Variants in COLEC12 observed in about 807,000 individuals in gnomAD.
COLEC12 encodes the protein collectin subfamily member 12, also known as collectin-12.
In COLEC12, 33 loss-of-function variants were observed where a neutral mutation model predicts 71.1. The observed-to-expected ratio is 0.46, with a 90% CI of 0.35 to 0.62. COLEC12 has a LOEUF of 0.62. Ranked by LOEUF, COLEC12 falls within the 20% of genes least tolerant of loss-of-function variation. The pLI, the probability that COLEC12 is intolerant of heterozygous loss-of-function variation, is 0.00. For synonymous variants in COLEC12, 350 were observed against 353.0 expected (o/e 0.99, Z 0.10); for missense variants, 765 against 916.1 (o/e 0.84, Z 2.13).
intron 1 of COLEC12, among the ~76,000 whole-genome samples, chr18:494,022 T>C (rs1598382801): frequency 6.6e-6 from 1 of 152,168 alleles, no homozygotes; most frequent in African/African-American, 2.4e-5. Context: ...AATCTAAATA[T>C]ACTTACACAT....
At chr18:475,997 T>A (rs1030380159) in intron 2 of COLEC12, among the ~76,000 whole-genome samples, 3 of 152,204 alleles carry the variant, frequency 2.0e-5, no homozygotes, top group Non-Finnish European at 2.9e-5. Flanking sequence ...TCTGCAACTA[T>A]TTTTTGAGGA....
intron 2 of COLEC12, among the ~76,000 whole-genome samples, chr18:407,102 C>T (rs1915806525): frequency 6.6e-6 from 1 of 152,250 alleles, no homozygotes; most frequent in Non-Finnish European, 1.5e-5. Flanking sequence ...TTTCAGCTTC[C>T]TGAGGCTGAG....
At chr18:425,400 A>G (rs1016953645) in intron 2 of COLEC12, among the ~76,000 whole-genome samples, 1 of 152,080 alleles carries the variant, frequency 6.6e-6, no homozygotes, top group Admixed American at 6.5e-5. Flanking sequence ...GTCACATCCT[A>G]GACTCACTCC....
rs549505802 is a variant in COLEC12, at chr18:344,255, T to C, written c.1327+2040A>G. Among the ~76,000 whole-genome samples the C allele has an allele frequency of 2.6e-5, 4 of 152,312 alleles. No individual in the cohort carries two copies. In the East Asian group the frequency reaches 7.7e-4, roughly 29 times the overall value. On this transcript the variant is annotated intron_variant, in intron 5 of 9. Coordinates refer to ENST00000400256, the MANE Select transcript of COLEC12 (RefSeq NM_130386.3). ...GATTGAGTAGGGGAGCCATTATATTTTCAGCTAATACCCATTTTATGAGGA... is the reference window on the plus strand; with the variant it reads ...GATTGAGTAGGGGAGCCATTATATTCTCAGCTAATACCCATTTTATGAGGA...
chr18:344,147 G>T (rs911789682), intron 5 of COLEC12, among the ~76,000 whole-genome samples: 1 of 152,024 alleles, frequency 6.6e-6, no homozygotes, highest in Admixed American at 6.6e-5. Context: ...CATTTGAAGG[G>T]CTACCCCTTT....
At chr18:418,902 A>G (rs1028056808) in intron 2 of COLEC12, among the ~76,000 whole-genome samples, 2 of 152,138 alleles carry the variant, frequency 1.3e-5, no homozygotes, top group Non-Finnish European at 2.9e-5. Flanking sequence ...TTCACTTTAC[A>G]CTGAGGACTC....
chr18:346,307 T>C lies in COLEC12; in HGVS notation c.1315A>G (p.Thr439Ala). 2.5e-6 allele frequency: 4 copies of C among 1,608,180 alleles called. No homozygotes were observed. Among genetic ancestry groups the C allele is most frequent in the Non-Finnish European group, 3.4e-6 (4 of 1,176,852 alleles). The change falls in exon 5 of 10, where the codon ACA becomes GCA. Residue 439 changes from threonine to alanine, a missense_variant. Physicochemically the swap from Thr to Ala is moderately conservative, Grantham distance 58. Coordinates refer to ENST00000400256, the MANE Select transcript of COLEC12 (RefSeq NM_130386.3). The surrounding 1 kb of genome is among the most constrained non-coding windows in gnomAD (Gnocchi z 4.0). Reference sequence around the variant, plus strand: ...AATTTTGACTTACCTTGTAGTATTGTAAAATTCTTGATGAGCTGACCATGC... The same window carrying C: ...AATTTTGACTTACCTTGTAGTATTGCAAAATTCTTGATGAGCTGACCATGC... ...SKHGQLIKNF[T>A]ILQGPPGPRG...
intron 3 of COLEC12, among the ~76,000 whole-genome samples, chr18:354,869 A>G (rs1214483954): frequency 6.6e-6 from 1 of 152,124 alleles, no homozygotes; most frequent in South Asian, 2.1e-4. Context: ...TTCTTCCTTC[A>G]TCTTGGTGAG....
chr18:377,535 A>G (rs1157503160), intron 2 of COLEC12, among the ~76,000 whole-genome samples: 1 of 152,186 alleles, frequency 6.6e-6, no homozygotes, highest in African/African-American at 2.4e-5. Flanking sequence ...AGCAATGCTT[A>G]TTCTTCGGCC....
chr18:385,742 T>C (rs944173882), intron 2 of COLEC12, among the ~76,000 whole-genome samples: 8 of 152,174 alleles, frequency 5.3e-5, no homozygotes, highest in African/African-American at 1.7e-4. Flanking sequence ...CCCATAGAGA[T>C]AATGAAAATC....
At chr18:420,284 G>A (rs940078444) in intron 2 of COLEC12, among the ~76,000 whole-genome samples, 15 of 152,104 alleles carry the variant, frequency 9.9e-5, no homozygotes, top group Middle Eastern at 3.2e-3. Flanking sequence ...AATGTAACAC[G>A]TGTATCACTA....
chr18:482,462 G>A (rs1217295389), intron 1 of COLEC12, among the ~76,000 whole-genome samples: 2 of 151,858 alleles, frequency 1.3e-5, no homozygotes, highest in Non-Finnish European at 2.9e-5. Flanking sequence ...GCCTTTCTAG[G>A]GGACCCTGTC....
At chr18:450,441 T>A (rs142831252) in intron 2 of COLEC12, among the ~76,000 whole-genome samples, 1 of 152,158 alleles carries the variant, frequency 6.6e-6, no homozygotes, top group African/African-American at 2.4e-5. Flanking sequence ...TACAAGTGTG[T>A]GGCATCTCCC....
At position 320,039 on chromosome 18, in the gene COLEC12, A is replaced by G; in HGVS notation, c.*6T>C. Reference sequence around the variant, plus strand: ...AAATTTGCTCATGTGATCCCATCACAGTCCGTTATAATGCAGATGACAGTA... The same window carrying G: ...AAATTTGCTCATGTGATCCCATCACGGTCCGTTATAATGCAGATGACAGTA... On this transcript the variant is annotated 3_prime_UTR_variant, in exon 10 of 10. Coordinates refer to ENST00000400256, the MANE Select transcript of COLEC12 (RefSeq NM_130386.3). 3 of 1,552,552 alleles carry G rather than the reference A, an allele frequency of 1.9e-6. No individual in the cohort carries two copies. The highest frequency in any genetic ancestry group is 1.4e-5 in the African/African-American group (1 of 73,042).
At chr18:442,762 C>T (rs1263556581) in intron 2 of COLEC12, among the ~76,000 whole-genome samples, 1 of 152,204 alleles carries the variant, frequency 6.6e-6, no homozygotes, top group Non-Finnish European at 1.5e-5. Flanking sequence ...GAGATCGAGA[C>T]CATCCTGGCT....
At chr18:394,272 T>C (rs903270952) in intron 2 of COLEC12, among the ~76,000 whole-genome samples, 7 of 152,230 alleles carry the variant, frequency 4.6e-5, no homozygotes, top group African/African-American at 1.4e-4. Flanking sequence ...AACCTGGTAC[T>C]GGGGTCAGTG....
At chr18:446,031 A>G (rs918196981) in intron 2 of COLEC12, among the ~76,000 whole-genome samples, 2 of 152,214 alleles carry the variant, frequency 1.3e-5, no homozygotes, top group South Asian at 2.1e-4. Flanking sequence ...TTCACTCAGC[A>G]TAAGAGTTTT....
intron 2 of COLEC12, among the ~76,000 whole-genome samples, chr18:389,842 T>A (rs951301997): frequency 6.6e-6 from 1 of 152,126 alleles, no homozygotes; most frequent in Admixed American, 6.5e-5. Flanking sequence ...AAGTTGCTAG[T>A]AGTCTCTGAG....
At chr18:490,560 G>A (rs1917602507) in intron 1 of COLEC12, among the ~76,000 whole-genome samples, 1 of 152,204 alleles carries the variant, frequency 6.6e-6, no homozygotes, top group Non-Finnish European at 1.5e-5. Flanking sequence ...TTTAAACTAT[G>A]TACATCTCTA....
Sources: gnomAD v4.1 joint callset for allele counts (sites outside exome capture counted in the v4.1 genomes callset) on GRCh38, gnomAD v4.1.1 for gene constraint, Gnocchi (gnomAD v3.1) non-coding constraint, MANE v1.5 for transcripts, NCBI Gene and HGNC (gene_info 2026-07-23, HGNC 2026-07-21) for gene names.